TMEM184C: variants seen among roughly 807,000 people sequenced by gnomAD.
TMEM184C encodes the protein transmembrane protein 184C.
In TMEM184C, 25 loss-of-function variants were observed where a neutral mutation model predicts 54.5. That is an observed-to-expected ratio of 0.46 (90% CI 0.33 to 0.64). TMEM184C has a LOEUF of 0.64. Ranked by LOEUF, TMEM184C falls within the 30% of genes least tolerant of loss-of-function variation. TMEM184C has a pLI of 0.02. For synonymous variants in TMEM184C, 148 were observed against 181.5 expected (o/e 0.82, Z 1.49); for missense variants, 335 against 520.3 (o/e 0.64, Z 3.46).
chr4:147,629,529 T>G lies in TMEM184C; in HGVS notation c.573-70T>G, dbSNP rs1732875159. On this transcript the variant is annotated intron_variant, in intron 5 of 9. Coordinates refer to ENST00000296582, the MANE Select transcript of TMEM184C (RefSeq NM_018241.3). ...AAATAAACTGACTTCTAAATTTAAG[T>G]ATTGCTATTGCTGTATTTTGAAGTA... is the stretch of plus-strand genomic sequence containing the variant. 4.6e-6 allele frequency: 5 copies of G among 1,097,202 alleles called. No homozygotes were observed. The South Asian group carries it at 7.4e-5, about 16-fold the overall frequency. The allele number at this position is 1,097,202 out of a possible 1,614,324, so 68.0% of individuals were successfully genotyped here.
chr4:147,624,107 G>A lies in TMEM184C; in HGVS notation c.291+9G>A, dbSNP rs72947807. ...TTTACAGTTTAGATAGTGTAAGTAT[G>A]TTTCATTTTTATCTCATTAACTAAG... On this transcript the variant is annotated intron_variant, in intron 3 of 9. Coordinates refer to ENST00000296582, the MANE Select transcript of TMEM184C (RefSeq NM_018241.3). The A allele has an allele frequency of 9.7e-4, 1,540 of 1,589,248 alleles. 14 individuals carry two copies. The African/African-American group carries it at 0.019, about 19-fold the overall frequency.
rs943850502 is a variant in TMEM184C, at chr4:147,628,229, G to A, written c.498-132G>A. 6 of 680,068 alleles carry A rather than the reference G, an allele frequency of 8.8e-6. No homozygotes were observed. The African/African-American group carries it at 1.1e-4, about 12-fold the overall frequency. The allele number at this position is 680,068 out of a possible 1,614,324, so 42.1% of individuals were successfully genotyped here. ...ACATTCTTCTGCCACTGCTATTAAG[G>A]ATGACTACATTGAAAGAATTAACTG... On this transcript the variant is annotated intron_variant, in intron 4 of 9. Coordinates refer to ENST00000296582, the MANE Select transcript of TMEM184C (RefSeq NM_018241.3).
intron 4 of TMEM184C, among the ~76,000 whole-genome samples, chr4:147,626,581 T>A (rs893018010): frequency 6.6e-6 from 1 of 152,200 alleles, no homozygotes; most frequent in Non-Finnish European, 1.5e-5. Context: ...AAATTTTGTC[T>A]CTATTTACAC....
In TMEM184C at chr4:147,635,617, A is replaced by G. The variant is rs1334131648; in HGVS notation, c.*1183A>G. On this transcript the variant is annotated 3_prime_UTR_variant, in exon 10 of 10. Coordinates refer to ENST00000296582, the MANE Select transcript of TMEM184C (RefSeq NM_018241.3). ...TATGTATTTATACACATACTCATTC[A>G]TATCTATCTATATATATAGAGAGAG... The G allele has an allele frequency of 2.0e-5, 3 of 152,214 alleles. No homozygotes were observed. Among genetic ancestry groups the G allele is most frequent in the Admixed American group, 6.5e-5 (1 of 15,278 alleles). The allele number at this position is 152,214 out of a possible 1,614,324, so 9.4% of individuals were successfully genotyped here.
At chr4:147,627,949 GC>G (rs756062560) in intron 4 of TMEM184C, among the ~76,000 whole-genome samples, 1 of 150,690 alleles carries the variant, frequency 6.6e-6, no homozygotes, top group African/African-American at 2.5e-5. Context: ...GATTACTTGA[GC>G]CCAGGAGGTC....
chr4:147,617,820 C>A lies in TMEM184C; in HGVS notation c.-137C>A. 1 of 1,243,778 alleles carries A rather than the reference C, an allele frequency of 8.0e-7. No individual in the cohort carries two copies. Among genetic ancestry groups the A allele is most frequent in the Non-Finnish European group, 1.2e-6 (1 of 864,888 alleles). The allele number at this position is 1,243,778 out of a possible 1,614,324, so 77.0% of individuals were successfully genotyped here. On this transcript the variant is annotated 5_prime_UTR_variant, in exon 1 of 10. An upstream open reading frame in the 5' UTR gains an earlier in-frame stop. Transcript: ENST00000296582. ...CACAGCGCCGGTCCAGGAGGCGGCT[C>A]GAGCTGTTCGTAAAGTCGCCCGACA...
rs1272502405 is a variant in TMEM184C, at chr4:147,623,627, A to AT, written c.124-200dup. Among the ~76,000 whole-genome samples the AT allele has an allele frequency of 1.6e-4, 20 of 123,624 alleles. No individual in the cohort carries two copies. In the Admixed American group the frequency reaches 2.1e-3, roughly 13 times the overall value. The allele number at this position is 123,624 out of a possible 152,430, so 81.1% of individuals were successfully genotyped here. On this transcript the variant is annotated intron_variant, in intron 1 of 9. Transcript: ENST00000296582. ...TATAAAAGTCCCCCCTCCCCCACAA[A>AT]TTTTTTTCAATTTTTTAATTTTTTT...
chr4:147,622,848 G>C (rs982585771), intron 1 of TMEM184C, among the ~76,000 whole-genome samples: 1 of 152,088 alleles, frequency 6.6e-6, no homozygotes, highest in African/African-American at 2.4e-5. Flanking sequence ...CTGTAGCCTT[G>C]AACTCCTGGG....
At position 147,632,974 on chromosome 4, in the gene TMEM184C, C is replaced by G; in HGVS notation, c.851C>G (p.Thr284Ser). ...ISEKHTWEWQ[T>S]VEAVATGLQD... ...GAAAAGCATACGTGGGAATGGCAAA[C>G]TGTAGAAGCTGTGGCCACCGGACTC... The change falls in exon 8 of 10, where the codon ACT becomes AGT. Residue 284 changes from threonine to serine, a missense_variant. Physicochemically the swap from Thr to Ser is moderately conservative, Grantham distance 58. Coordinates refer to ENST00000296582, the MANE Select transcript of TMEM184C (RefSeq NM_018241.3). 6.2e-7 allele frequency: 1 copy of G among 1,614,018 alleles called. No individual in the cohort carries two copies.
At chr4:147,625,279 C>T (rs1182503532) in intron 4 of TMEM184C, among the ~76,000 whole-genome samples, 1 of 152,148 alleles carries the variant, frequency 6.6e-6, no homozygotes, top group African/African-American at 2.4e-5. Context: ...AATCAATATG[C>T]TTTTGCAGTT....
chr4:147,629,237 T>C (rs1358105068), intron 5 of TMEM184C, among the ~76,000 whole-genome samples: 1 of 152,074 alleles, frequency 6.6e-6, no homozygotes, highest in African/African-American at 2.4e-5. Flanking sequence ...ACCTGCATTA[T>C]ATTATGTTTA....
chr4:147,624,800 A>G lies in TMEM184C; in HGVS notation c.292-4A>G. The stretch of plus-strand genomic sequence containing the variant: ...CTATCTTTAACATCTGTGCTTTTTC[A>G]TAGTGGATAGCTTTGAAATATCCCG... On this transcript the variant is annotated splice_polypyrimidine_tract_variant and splice_region_variant and intron_variant, in intron 3 of 9. Coordinates refer to ENST00000296582, the MANE Select transcript of TMEM184C (RefSeq NM_018241.3). The G allele has an allele frequency of 6.2e-7, 1 of 1,612,150 alleles. No homozygotes were observed.
intron 1 of TMEM184C, among the ~76,000 whole-genome samples, chr4:147,619,301 G>A (rs1406442772): frequency 6.6e-6 from 1 of 152,000 alleles, no homozygotes; most frequent in Admixed American, 6.5e-5. Context: ...AGGTTCAAGC[G>A]ATTCTCCTGC....
chr4:147,621,614 A>T (rs1161733677), intron 1 of TMEM184C, among the ~76,000 whole-genome samples: 1 of 152,090 alleles, frequency 6.6e-6, no homozygotes, highest in African/African-American at 2.4e-5. Flanking sequence ...AATAGGTTAA[A>T]TTTCTTGTGC....
chr4:147,621,702 A>T (rs1416005042), intron 1 of TMEM184C, among the ~76,000 whole-genome samples: 1 of 152,140 alleles, frequency 6.6e-6, no homozygotes. Flanking sequence ...ATGTGGAGAG[A>T]TGATGTTTTT....
At chr4:147,623,096 T>C (rs1208996368) in intron 1 of TMEM184C, among the ~76,000 whole-genome samples, 2 of 152,188 alleles carry the variant, frequency 1.3e-5, no homozygotes, top group South Asian at 2.1e-4. Flanking sequence ...TCCATACTTT[T>C]GTTTTCTACC....
At position 147,631,377 on chromosome 4, in the gene TMEM184C, T is replaced by C. The variant is rs780163722; in HGVS notation, c.667-16T>C. 5 of 1,532,986 alleles carry C rather than the reference T, an allele frequency of 3.3e-6. No homozygotes were observed. The highest frequency in any genetic ancestry group is 3.5e-6 in the Non-Finnish European group (4 of 1,136,674). The allele number at this position is 1,532,986 out of a possible 1,614,324, so 95.0% of individuals were successfully genotyped here. On this transcript the variant is annotated splice_polypyrimidine_tract_variant and intron_variant, in intron 6 of 9. Coordinates refer to ENST00000296582, the MANE Select transcript of TMEM184C (RefSeq NM_018241.3). ...ATCTATTACTGAACAAGTTTAAATGTTAATCTTGTTTCTAGTTTGCCATGT... is the reference window on the plus strand; with the variant it reads ...ATCTATTACTGAACAAGTTTAAATGCTAATCTTGTTTCTAGTTTGCCATGT...
chr4:147,633,935 T>C lies in TMEM184C; in HGVS notation c.1050T>C (p.Val350=). 6.2e-7 allele frequency: 1 copy of C among 1,611,342 alleles called. No individual in the cohort carries two copies. Among genetic ancestry groups the C allele is most frequent in the Non-Finnish European group, 8.5e-7 (1 of 1,178,836 alleles). ...ATATTTCTGAACAAGTAAGGCATGTTGGTAAGTACCAGCTATTTAATTCAA... is the reference window on the plus strand; with the variant it reads ...ATATTTCTGAACAAGTAAGGCATGTCGGTAAGTACCAGCTATTTAATTCAA... The part of the protein sequence containing the change: ...RDDISEQVRH[V]GRTVRGHPRK... Residue 350 remains valine, a splice_region_variant and synonymous_variant, in exon 9 of 10, where the codon GTT becomes GTC. Transcript: ENST00000296582.
intron 4 of TMEM184C, among the ~76,000 whole-genome samples, chr4:147,627,310 T>TG (rs1264039369): frequency 6.6e-6 from 1 of 151,886 alleles, no homozygotes; most frequent in African/African-American, 2.4e-5. Context: ...GTTTTTTTTT[T>TG]GAGATGGTCT....
Sources: gnomAD v4.1 joint callset for allele counts (sites outside exome capture counted in the v4.1 genomes callset) on GRCh38, gnomAD v4.1.1 for gene constraint, MANE v1.5 for transcripts, NCBI Gene and HGNC (gene_info 2026-07-23, HGNC 2026-07-21) for gene names.